RUNDC1: variants seen among roughly 807,000 people sequenced by gnomAD.
The protein encoded by RUNDC1 is RUN domain-containing protein 1.
RUNDC1 carries 31 observed loss-of-function variants against 49.3 expected under a neutral mutation model. The ratio of observed to expected loss-of-function variants is 0.63; its 90% CI spans 0.47 to 0.85. The LOEUF (loss-of-function observed/expected upper bound fraction) is 0.85, where lower values mean the gene tolerates loss of function less well. Among genes scored for constraint, RUNDC1 ranks in the 40% least tolerant of loss-of-function variants. The probability of loss-of-function intolerance (pLI) is 0.00; values close to 1 mark genes in which losing one functional copy is unlikely to be tolerated. For missense variants in RUNDC1, 715 were observed against 806.7 expected (o/e 0.89, Z 1.38); for synonymous variants, 347 against 348.6 (o/e 1.00, Z 0.05).
Position 42,980,825 on chromosome 17 carries a change from G to C in RUNDC1, c.249G>C (p.Leu83=). Residue 83 remains leucine, a synonymous_variant, in exon 1 of 5, where the codon CTG becomes CTC. Transcript: ENST00000361677. ...CGCCGGGCCGGACGCTGCGGCGGCT[G>C]CGGGCAGAGCGGCGGCGGCTGGACT... ...PDSPGRTLRR[L]RAERRRLDSA... The C allele has an allele frequency of 2.9e-6, 4 of 1,370,764 alleles. No individual in the cohort carries two copies. Among genetic ancestry groups the C allele is most frequent in the Non-Finnish European group, 2.8e-6 (3 of 1,072,982 alleles). The allele number at this position is 1,370,764 out of a possible 1,614,324, so 84.9% of individuals were successfully genotyped here. A position where few individuals can be genotyped will look rare whatever the true frequency, so the allele number is the denominator to read the frequency against.
chr17:42,987,326 A>G lies in RUNDC1; in HGVS notation c.569A>G (p.Lys190Arg), dbSNP rs370774883. The G allele has an allele frequency of 6.2e-7, 1 of 1,613,988 alleles. No individual in the cohort carries two copies. The highest frequency in any genetic ancestry group is 1.3e-5 in the African/African-American group (1 of 74,936). ...EKQKELILQL[K>R]TQLDDLETFA... ...CAGAAAGAACTGATACTGCAGCTCA[A>G]GACCCAGCTAGATGACCTGGAAACG... is the stretch of plus-strand genomic sequence containing the variant. Residue 190 changes from lysine (K) to arginine (R), a missense_variant, in exon 2 of 5, where the codon AAG becomes AGG. Physicochemically the swap from Lys to Arg is conservative, Grantham distance 26. Around this residue, in one of 5 missense-constraint regions of RUNDC1, gnomAD observed 15 missense variants for 47.9 expected, o/e 0.31. Coordinates refer to ENST00000361677, the MANE Select transcript of RUNDC1 (RefSeq NM_173079.5).
At chr17:42,987,817 A>G (rs934971327) in intron 2 of RUNDC1, among the ~76,000 whole-genome samples, 8 of 152,152 alleles carry the variant, frequency 5.3e-5, no homozygotes, top group African/African-American at 1.9e-4. Flanking sequence ...CAATGGCACA[A>G]TCTCAGCTCA....
Position 42,994,849 on chromosome 17 carries a change from C to T in RUNDC1, c.*3133C>T, listed in dbSNP as rs2050286869. Among the ~76,000 whole-genome samples, 1 of 152,088 alleles carries T rather than the reference C, an allele frequency of 6.6e-6. No homozygotes were observed. Among genetic ancestry groups the T allele is most frequent in the African/African-American group, 2.4e-5 (1 of 41,392 alleles). The stretch of plus-strand genomic sequence containing the variant: ...AGGGAGGAGAGGCAGGCCAGTCCAC[C>T]CAGATCCAAGGATATGCAAGAATGG... On this transcript the variant is annotated 3_prime_UTR_variant, in exon 5 of 5. Transcript: ENST00000361677.
chr17:42,991,183 C>G lies in RUNDC1; in HGVS notation c.1309C>G (p.Leu437Val), dbSNP rs61995864. The change falls in exon 5 of 5, where the codon CTG becomes GTG. Residue 437 changes from leucine to valine, a missense_variant. Physicochemically the swap from Leu to Val is conservative, Grantham distance 32 (BLOSUM62 1). Around this residue, in one of 5 missense-constraint regions of RUNDC1, gnomAD observed 425 missense variants for 499.7 expected, o/e 0.85. Coordinates refer to ENST00000361677, the MANE Select transcript of RUNDC1 (RefSeq NM_173079.5). Reference sequence around the variant, plus strand: ...GGAGCTAACGGTGGCTGTGAGGGACCTGCTGGCCCATGGACTGTATGCCTC... The same window carrying G: ...GGAGCTAACGGTGGCTGTGAGGGACGTGCTGGCCCATGGACTGTATGCCTC... ...RKELTVAVRD[L>V]LAHGLYASSP... The G allele has an allele frequency of 1.2e-6, 2 of 1,614,102 alleles. No homozygotes were observed. The highest frequency in any genetic ancestry group is 2.7e-5 in the African/African-American group (2 of 74,928).
At chr17:42,986,292 T>G (rs2050170683) in intron 1 of RUNDC1, among the ~76,000 whole-genome samples, 1 of 151,826 alleles carries the variant, frequency 6.6e-6, no homozygotes, top group Non-Finnish European at 1.5e-5. Context: ...TTTTAAAAAT[T>G]TTTTTGTGGA....
chr17:42,982,996 AAC>A (rs1358679094), intron 1 of RUNDC1, among the ~76,000 whole-genome samples: 2 of 150,044 alleles, frequency 1.3e-5, no homozygotes, highest in South Asian at 4.2e-4. Flanking sequence ...CTCAAAAAAA[AAC>A]ACACAAAAAA....
At chr17:42,984,157 G>C (rs2050139227) in intron 1 of RUNDC1, among the ~76,000 whole-genome samples, 1 of 151,606 alleles carries the variant, frequency 6.6e-6, no homozygotes, top group Non-Finnish European at 1.5e-5. Flanking sequence ...TATTTTTTCT[G>C]TAGAGGTGGG....
At position 42,991,466 on chromosome 17, in the gene RUNDC1, A is replaced by T. The variant is rs774442115; in HGVS notation, c.1592A>T (p.Lys531Met). The T allele has an allele frequency of 8.7e-6, 14 of 1,614,076 alleles. No homozygotes were observed. Among genetic ancestry groups the T allele is most frequent in the African/African-American group, 1.3e-5 (1 of 74,930 alleles). ...HMVLTEHDPFKRSADSELKAL... is the reference protein window; with the variant it reads ...HMVLTEHDPFMRSADSELKAL... ...GTGCTGACAGAGCATGACCCTTTTA[A>T]GCGCAGTGCAGACTCAGAATTGAAG... Residue 531 changes from lysine (K) to methionine (M), a missense_variant, in exon 5 of 5, where the codon AAG (lysine) becomes ATG (methionine). Transcript: ENST00000361677.
chr17:42,985,637 ACTT>A lies in RUNDC1; in HGVS notation c.499-1618_499-1616del. The A allele has an allele frequency of 4.0e-3, 192 of 47,998 alleles. 1 individual carries two copies. The highest frequency in any genetic ancestry group is 6.1e-3 in the Non-Finnish European group (185 of 30,146). 3.0% of individuals were successfully genotyped at this position (47,998 alleles called of 1,614,324 possible). The stretch of plus-strand genomic sequence containing the variant: ...TTTTTTTCATTTCTTCTCTCTCATT[ACTT>A]ACTTCTTCAGGGCTTGGTAAGTACC... On this transcript the variant is annotated intron_variant, in intron 1 of 4. Transcript: ENST00000361677.
At position 42,980,716 on chromosome 17, in the gene RUNDC1, CG is replaced by C. The variant is rs1376682387; in HGVS notation, c.142del (p.Glu48ArgfsTer10). The part of the protein sequence containing the change: ...AVRWAPVGAV[A>X]EARPGATAFL... ...CGCTGGGCCCCAGTGGGGGCGGTGG[CG>C]GAGGCCCGGCCTGGGGCAACCGCGT... On this transcript the variant is annotated frameshift_variant, in exon 1 of 5. Coordinates refer to ENST00000361677, the MANE Select transcript of RUNDC1 (RefSeq NM_173079.5). LOFTEE classifies it high-confidence loss of function. The C allele has an allele frequency of 1.9e-6, 3 of 1,548,152 alleles. No individual in the cohort carries two copies.
At chr17:42,985,338 TA>T (rs1328894390) in intron 1 of RUNDC1, among the ~76,000 whole-genome samples, 1 of 152,170 alleles carries the variant, frequency 6.6e-6, no homozygotes, top group African/African-American at 2.4e-5. Flanking sequence ...CCTAAACAAA[TA>T]ATGTGATATG....
chr17:42,993,699 C>T lies in RUNDC1; in HGVS notation c.*1983C>T, dbSNP rs1357532741. 1.3e-5 allele frequency: 2 copies of T among 152,086 alleles called. No homozygotes were observed. Among genetic ancestry groups the T allele is most frequent in the Non-Finnish European group, 2.9e-5 (2 of 68,044 alleles). The allele number at this position is 152,086 out of a possible 1,614,324, so 9.4% of individuals were successfully genotyped here. ...TATTTTTTTGAAAACTGCCTGTATC[C>T]TCTGTCCTCTGTTACGGATCATCTC... is the stretch of plus-strand genomic sequence containing the variant. On this transcript the variant is annotated 3_prime_UTR_variant, in exon 5 of 5. Coordinates refer to ENST00000361677, the MANE Select transcript of RUNDC1 (RefSeq NM_173079.5).
Position 42,991,687 on chromosome 17 carries a change from C to T in RUNDC1, c.1813C>T (p.Gln605Ter), listed in dbSNP as rs1248696783. 1.9e-6 allele frequency: 3 copies of T among 1,613,240 alleles called. No homozygotes were observed. The highest frequency in any genetic ancestry group is 2.5e-6 in the Non-Finnish European group (3 of 1,179,672). Residue 605 changes from glutamine to a stop codon, truncating the protein, a stop_gained, in exon 5 of 5, where the codon CAG becomes TAG. Transcript: ENST00000361677. LOFTEE classifies it high-confidence loss of function. ...FSLPVDLAVR[Q>*]LKNIKDAF is the part of the protein sequence containing the mutation. ...CCTCCCTGTAGATCTGGCTGTGCGC[C>T]AGCTCAAAAACATCAAAGATGCCTT...
At chr17:42,987,197 T>C in intron 1 of RUNDC1, 59 bp from the exon 2 acceptor site, 1 of 1,385,762 alleles carries the variant, frequency 7.2e-7, no homozygotes, top group East Asian at 2.3e-5. Flanking sequence ...AGCAGATTCT[T>C]AATGTGCCCT....
Position 42,992,004 on chromosome 17 carries a change from G to C in RUNDC1, c.*288G>C. On this transcript the variant is annotated 3_prime_UTR_variant, in exon 5 of 5. Coordinates refer to ENST00000361677, the MANE Select transcript of RUNDC1 (RefSeq NM_173079.5). ...CCGAGGCGGGCGGATCACAAGGTCA[G>C]GAGTTCGAGACCATCCTGTCTAACA... 5.4e-6 allele frequency: 2 copies of C among 366,974 alleles called. No homozygotes were observed. Among genetic ancestry groups the C allele is most frequent in the East Asian group, 1.3e-4 (2 of 15,762 alleles). 22.7% of individuals were successfully genotyped at this position (366,974 alleles called of 1,614,324 possible).
Position 42,980,674 on chromosome 17 carries a change from C to A in RUNDC1, c.98C>A (p.Pro33Gln). The A allele has an allele frequency of 6.3e-7, 1 of 1,581,018 alleles. No individual in the cohort carries two copies. Among genetic ancestry groups the A allele is most frequent in the East Asian group, 2.3e-5 (1 of 43,642 alleles). The change falls in exon 1 of 5, where the codon CCA becomes CAA. Residue 33 changes from proline to glutamine, a missense_variant. Physicochemically the swap from Pro to Gln is moderately conservative, Grantham distance 76. Around this residue, in one of 5 missense-constraint regions of RUNDC1, gnomAD observed 153 missense variants for 139.4 expected, o/e 1.10. Coordinates refer to ENST00000361677, the MANE Select transcript of RUNDC1 (RefSeq NM_173079.5). ...DEEEEEEEPL[P>Q]PCEAVRWAPV... ...GAGGAGGAGGAAGAGGAGCCGCTGC[C>A]ACCGTGCGAGGCGGTGCGCTGGGCC...
At position 42,991,002 on chromosome 17, in the gene RUNDC1, A is replaced by T; in HGVS notation, c.1128A>T (p.Arg376Ser). The change falls in exon 5 of 5, where the codon AGA (arginine) becomes AGT (serine). Residue 376 changes from arginine to serine, a missense_variant. This residue lies in a region of RUNDC1 where 425 missense variants were observed against 499.7 expected (regional missense o/e 0.85). Coordinates refer to ENST00000361677, the MANE Select transcript of RUNDC1 (RefSeq NM_173079.5). ...TGTGGCAGAGGGTCCAGGCTGACAG[A>T]GACTACTCTCCCTTGCTGAAGAGGC... ...PTLWQRVQADRDYSPLLKRLE... is the reference protein window; with the variant it reads ...PTLWQRVQADSDYSPLLKRLE... The T allele has an allele frequency of 6.2e-7, 1 of 1,614,182 alleles. No homozygotes were observed. Among genetic ancestry groups the T allele is most frequent in the Non-Finnish European group, 8.5e-7 (1 of 1,180,000 alleles).
intron 4 of RUNDC1, 52 bp from the exon 5 acceptor site, chr17:42,990,799 G>T: frequency 6.5e-7 from 1 of 1,540,950 alleles, no homozygotes. Flanking sequence ...GTTGAGTGTA[G>T]CTCTGTGCCA....
At chr17:42,983,497 T>C (rs895533008) in intron 1 of RUNDC1, among the ~76,000 whole-genome samples, 6 of 147,308 alleles carry the variant, frequency 4.1e-5, no homozygotes, top group Non-Finnish European at 6.0e-5. Context: ...TACCTCAGCC[T>C]CTCGAGTAAC....
Sources: allele counts gnomAD v4.1 joint callset (sites outside exome capture counted in the v4.1 genomes callset), GRCh38; gene constraint gnomAD v4.1.1; regional missense constraint gnomAD v4.1.1; transcripts MANE v1.5; gene names NCBI Gene and HGNC (gene_info 2026-07-23, HGNC 2026-07-21).